The following TFEC variants were observed in gnomAD, a reference collection of about 807,000 sequenced individuals.
TFEC encodes the protein transcription factor EC.
A neutral mutation model predicts 41.6 loss-of-function variants in TFEC; 31 were observed. The ratio of observed to expected loss-of-function variants is 0.74; its 90% CI spans 0.56 to 1.01. TFEC has a LOEUF of 1.01. Among genes scored for constraint, TFEC ranks in the 50% least tolerant of loss-of-function variants. TFEC has a pLI of 0.00. For missense variants in TFEC, 402 were observed against 404.1 expected (o/e 0.99, Z 0.04); for synonymous variants, 143 against 140.6 (o/e 1.02, Z -0.12).
At chr7:115,966,908 A>C (rs1292475853) in intron 3 of TFEC, among the ~76,000 whole-genome samples, 1 of 151,766 alleles carries the variant, frequency 6.6e-6, no homozygotes, top group Admixed American at 6.6e-5. Flanking sequence ...TTTCACCCTA[A>C]TAACATGGGG....
At chr7:116,146,015 T>C (rs1206869647) in intron 1 of TFEC, among the ~76,000 whole-genome samples, 2 of 152,238 alleles carry the variant, frequency 1.3e-5, no homozygotes, top group East Asian at 1.9e-4. Context: ...AAATGAAAGT[T>C]TGAATTCTGT....
At chr7:116,071,806 T>C (rs34784488) in intron 3 of TFEC, among the ~76,000 whole-genome samples, 4,099 of 151,528 alleles carry the variant, frequency 0.027, 75 homozygotes, top group Non-Finnish European at 0.042. Flanking sequence ...ATAATGTGCT[T>C]GGATTTTCTC....
intron 1 of TFEC, among the ~76,000 whole-genome samples, chr7:115,991,818 G>A (rs1584653830): frequency 6.6e-6 from 1 of 152,118 alleles, no homozygotes; most frequent in Non-Finnish European, 1.5e-5. Context: ...AGTTAACAAG[G>A]ATATCCAGGA....
chr7:116,074,740 A>C (rs1796914183), intron 3 of TFEC, among the ~76,000 whole-genome samples: 1 of 152,184 alleles, frequency 6.6e-6, no homozygotes, highest in African/African-American at 2.4e-5. Flanking sequence ...TACCATGTGC[A>C]CCAGTAATCA....
intron 1 of TFEC, among the ~76,000 whole-genome samples, chr7:115,987,945 C>G (rs1412378790): frequency 1.3e-5 from 2 of 152,024 alleles, no homozygotes; most frequent in Non-Finnish European, 2.9e-5. Context: ...ATTGAATTCT[C>G]AAAGAGATAA....
rs1395777147 is a variant in TFEC, at chr7:115,939,431, AGT to A, written c.*1118_*1119del. ...CAACCAAAGATCATAGGACACTCTA[AGT>A]GTTTATAGAAATAGAACCTTACGTT... is the stretch of plus-strand genomic sequence containing the variant. On this transcript the variant is annotated 3_prime_UTR_variant, in exon 8 of 8. Transcript: ENST00000265440. The A allele has an allele frequency of 1.3e-5, 2 of 152,094 alleles. No individual in the cohort carries two copies. Among genetic ancestry groups the A allele is most frequent in the Non-Finnish European group, 2.9e-5 (2 of 67,970 alleles). 9.4% of individuals were successfully genotyped at this position (152,094 alleles called of 1,614,324 possible).
intron 1 of TFEC, among the ~76,000 whole-genome samples, chr7:116,023,048 G>A (rs1795458579): frequency 6.7e-6 from 1 of 149,916 alleles, no homozygotes; most frequent in Non-Finnish European, 1.5e-5. Context: ...ATAACAAATA[G>A]CTAATTAACA....
intron 3 of TFEC, among the ~76,000 whole-genome samples, chr7:116,043,397 C>G (rs1796086923): frequency 6.6e-6 from 1 of 151,942 alleles, no homozygotes; most frequent in African/African-American, 2.4e-5. Context: ...ATATGAACTA[C>G]AAGCAAAGGT....
At chr7:116,145,024 G>T (rs1798614937) in intron 1 of TFEC, among the ~76,000 whole-genome samples, 1 of 152,152 alleles carries the variant, frequency 6.6e-6, no homozygotes, top group Admixed American at 6.5e-5. Context: ...TAGGAAAAAT[G>T]TAATCCTAGC....
intron 3 of TFEC, among the ~76,000 whole-genome samples, chr7:115,973,964 C>G (rs546776054): frequency 2.0e-5 from 3 of 151,944 alleles, no homozygotes; most frequent in South Asian, 2.1e-4. Context: ...CAGAGAGAGA[C>G]AGAGAGAGAG....
intron 3 of TFEC, among the ~76,000 whole-genome samples, chr7:116,100,872 T>C (rs991943242): frequency 1.3e-5 from 2 of 151,852 alleles, no homozygotes; most frequent in South Asian, 4.2e-4. Flanking sequence ...TGGGCATAGA[T>C]AAAAGAAAGA....
At position 116,110,662 on chromosome 7, in the gene TFEC, T is replaced by C. The variant is rs1880359; in HGVS notation, c.198+46A>G. 2,161 of 1,203,924 alleles carry C rather than the reference T, an allele frequency of 1.8e-3. 29 individuals are homozygous for C. The African/African-American group carries it at 0.03, about 17-fold the overall frequency. The allele number at this position is 1,203,924 out of a possible 1,614,324, so 74.6% of individuals were successfully genotyped here. A position where few individuals can be genotyped will look rare whatever the true frequency, so the allele number is the denominator to read the frequency against. On this transcript the variant is annotated intron_variant, in intron 3 of 8. Coordinates refer to the TFEC transcript ENST00000484212. Reference sequence around the variant, plus strand: ...CAGACAGATTTTCAGAGGTAGTTACTATACTTACTTAGAAATTACGGCTGT... The same window carrying C: ...CAGACAGATTTTCAGAGGTAGTTACCATACTTACTTAGAAATTACGGCTGT...
chr7:115,985,457 G>A (rs955451022), intron 1 of TFEC, among the ~76,000 whole-genome samples: 17 of 151,932 alleles, frequency 1.1e-4, no homozygotes, highest in Non-Finnish European at 1.6e-4. Flanking sequence ...TATATAAACC[G>A]ATTTAATATT....
intron 1 of TFEC, among the ~76,000 whole-genome samples, chr7:115,999,396 A>G (rs549003929): frequency 6.6e-6 from 1 of 152,052 alleles, no homozygotes; most frequent in South Asian, 2.1e-4. Context: ...AAGTAGAAAC[A>G]TTTCAAATAA....
intron 1 of TFEC, among the ~76,000 whole-genome samples, chr7:116,157,701 A>C (rs1798897383): frequency 6.6e-6 from 1 of 152,142 alleles, no homozygotes; most frequent in Non-Finnish European, 1.5e-5. Context: ...TGGACTCCTG[A>C]CAACTCTTCT....
chr7:116,007,173 A>G (rs945698091), intron 1 of TFEC, among the ~76,000 whole-genome samples: 3 of 152,052 alleles, frequency 2.0e-5, no homozygotes, highest in Non-Finnish European at 4.4e-5. Context: ...TTAATGCAGG[A>G]GTTCTGACTA....
At chr7:116,048,723 A>G (rs1220281595) in intron 3 of TFEC, among the ~76,000 whole-genome samples, 16 of 152,330 alleles carry the variant, frequency 1.1e-4, no homozygotes, top group Middle Eastern at 3.4e-3. Context: ...GTTAAGGGCA[A>G]TCAGAGAGAA....
chr7:116,154,744 T>G (rs376424936), intron 1 of TFEC, among the ~76,000 whole-genome samples: 4 of 152,218 alleles, frequency 2.6e-5, no homozygotes, highest in East Asian at 1.9e-4. Context: ...GCAAACTCTA[T>G]CTTCTAGAAT....
chr7:115,991,691 T>C (rs561850740), intron 1 of TFEC, among the ~76,000 whole-genome samples: 7 of 152,284 alleles, frequency 4.6e-5, no homozygotes, highest in African/African-American at 1.7e-4. Flanking sequence ...TAAATATATA[T>C]GCACCCAATA....
Sources: gnomAD v4.1 joint callset for allele counts (sites outside exome capture counted in the v4.1 genomes callset) on GRCh38, gnomAD v4.1.1 for gene constraint, MANE v1.5 for transcripts, NCBI Gene and HGNC (gene_info 2026-07-23, HGNC 2026-07-21) for gene names.